The following GPR158 variants were observed in gnomAD, a reference collection of about 807,000 sequenced individuals.
GPR158 encodes the protein G protein-coupled receptor 158.
A neutral mutation model predicts 78.2 loss-of-function variants in GPR158; 30 were observed. That is an observed-to-expected ratio of 0.38 (90% CI 0.29 to 0.52). The LOEUF (loss-of-function observed/expected upper bound fraction) is 0.52, where lower values mean the gene tolerates loss of function less well. GPR158 is among the 20% of genes least tolerant of loss of function. The probability of loss-of-function intolerance (pLI) is 0.83; values close to 1 mark genes in which losing one functional copy is unlikely to be tolerated. For synonymous variants in GPR158, 581 were observed against 591.1 expected, an observed-to-expected ratio of 0.98 and a Z score of 0.25; for missense variants, 1,463 against 1,523.5, an observed-to-expected ratio of 0.96 and a Z score of 0.66.
chr10:25,552,450 C>T (rs145417273), intron 6 of GPR158, among the ~76,000 whole-genome samples: 8 of 152,274 alleles, frequency 5.3e-5, no homozygotes, highest in African/African-American at 1.7e-4. Context: ...AGTAGACACC[C>T]CGTTGAGACT....
intron 6 of GPR158, among the ~76,000 whole-genome samples, chr10:25,558,641 T>G (rs1836819536): frequency 6.6e-6 from 1 of 152,222 alleles, no homozygotes; most frequent in Non-Finnish European, 1.5e-5. Flanking sequence ...TGCCGCTTAC[T>G]CTGGTGCCCC....
At chr10:25,474,366 C>T (rs1004889099) in intron 5 of GPR158, among the ~76,000 whole-genome samples, 1 of 152,050 alleles carries the variant, frequency 6.6e-6, no homozygotes, top group African/African-American at 2.4e-5. Flanking sequence ...GTGATAGGAC[C>T]TCTTCACCTA....
At position 25,304,554 on chromosome 10, in the gene GPR158, G is replaced by A. The variant is rs891833639; in HGVS notation, c.1008+83397G>A. Among the ~76,000 whole-genome samples, 5 of 152,084 alleles carry A rather than the reference G, an allele frequency of 3.3e-5. No homozygotes were observed. In the East Asian group the frequency reaches 9.7e-4, roughly 29 times the overall value. On this transcript the variant is annotated intron_variant, in intron 2 of 10. Transcript: ENST00000376351. ...ATAGAACTTACTTCATAGAGTTGCTGTGAGGTTTTTATATATAATATATAT... is the reference window on the plus strand; with the variant it reads ...ATAGAACTTACTTCATAGAGTTGCTATGAGGTTTTTATATATAATATATAT...
At chr10:25,351,556 A>T (rs985349075) in intron 2 of GPR158, among the ~76,000 whole-genome samples, 1 of 151,894 alleles carries the variant, frequency 6.6e-6, no homozygotes, top group Non-Finnish European at 1.5e-5. Context: ...TATCATATAA[A>T]CCAAGGGCAA....
rs1475665649 is a variant in GPR158 at position 25,255,363 on chromosome 10, A to C, written c.1008+34206A>C. Among the ~76,000 whole-genome samples, 3 of 152,358 alleles carry C rather than the reference A, an allele frequency of 2.0e-5. No homozygotes were observed. In the South Asian group the frequency reaches 6.2e-4, roughly 32 times the overall value. ...TTAGTTTTGTATTGCTACATAAACT[A>C]CAACAAAGTTCATCATTCAAACAAC... is the stretch of plus-strand genomic sequence containing the variant. On this transcript the variant is annotated intron_variant, in intron 2 of 10. Coordinates refer to ENST00000376351, the MANE Select transcript of GPR158 (RefSeq NM_020752.3).
rs146062379 is a variant in GPR158, at chr10:25,281,555, G to A, written c.1008+60398G>A. Among the ~76,000 whole-genome samples the A allele has an allele frequency of 4.4e-4, 67 of 152,158 alleles. No individual in the cohort carries two copies. In the East Asian group the frequency reaches 9.3e-3, roughly 21 times the overall value. ...ATTGCACCACTGCACTCCAGCCTGC[G>A]TGACAGATTGAGACTCTGTCTCAAA... On this transcript the variant is annotated intron_variant, in intron 2 of 10. Coordinates refer to ENST00000376351, the MANE Select transcript of GPR158 (RefSeq NM_020752.3).
chr10:25,436,162 GA>G (rs1333546097), intron 4 of GPR158, among the ~76,000 whole-genome samples: 2 of 152,184 alleles, frequency 1.3e-5, no homozygotes, highest in African/African-American at 4.8e-5. Context: ...GATAAACAAT[GA>G]ATAATGTTAT....
chr10:25,365,206 C>A (rs929200732), intron 2 of GPR158, among the ~76,000 whole-genome samples: 1 of 151,010 alleles, frequency 6.6e-6, no homozygotes, highest in Non-Finnish European at 1.5e-5. Flanking sequence ...GAAAAGATAG[C>A]AATTACATCA....
intron 4 of GPR158, among the ~76,000 whole-genome samples, chr10:25,422,837 C>A (rs1834769016): frequency 1.5e-5 from 2 of 134,224 alleles, no homozygotes; most frequent in East Asian, 2.1e-4. Context: ...AATGTACAGT[C>A]TTTTATTCCC....
intron 1 of GPR158, among the ~76,000 whole-genome samples, chr10:25,183,041 T>C (rs1852633095): frequency 6.6e-6 from 1 of 152,186 alleles, no homozygotes; most frequent in African/African-American, 2.4e-5. Flanking sequence ...TACGCATCAG[T>C]GGGGCTTGTT....
chr10:25,532,771 T>C (rs1836443603), intron 5 of GPR158, among the ~76,000 whole-genome samples: 2 of 151,848 alleles, frequency 1.3e-5, no homozygotes, highest in African/African-American at 2.4e-5. Context: ...GCATATAACT[T>C]AAAGAGTAAA....
chr10:25,314,189 C>T (rs1349491387), intron 2 of GPR158, among the ~76,000 whole-genome samples: 2 of 152,126 alleles, frequency 1.3e-5, no homozygotes, highest in East Asian at 1.9e-4. Context: ...CAGCCTCCAC[C>T]TCCTGGGTTC....
In GPR158 at chr10:25,539,314, A is replaced by G. The variant is rs78575793; in HGVS notation, c.1405-11662A>G. On this transcript the variant is annotated intron_variant, in intron 5 of 10. Coordinates refer to ENST00000376351, the MANE Select transcript of GPR158 (RefSeq NM_020752.3). ...TGGGTCTCAGAGTTAGAAGACCCCA[A>G]TGAGGAGGAGTATGAATGAAAATCT... 3.7e-4 allele frequency among the ~76,000 whole-genome samples: 57 copies of G among 152,264 alleles called. No homozygotes were observed. The East Asian group carries it at 7.2e-3, about 19-fold the overall frequency.
rs530871685 is a variant in GPR158, at chr10:25,359,618, G to A, written c.1009-36293G>A. Among the ~76,000 whole-genome samples, 31 of 152,170 alleles carry A rather than the reference G, an allele frequency of 2.0e-4. 1 individual carries two copies. The highest frequency in any genetic ancestry group is 3.4e-3 in the Middle Eastern group (1 of 294). On this transcript the variant is annotated intron_variant, in intron 2 of 10. Transcript: ENST00000376351. ...CTTTTTTATGGCCGCACAGTATTTC[G>A]TGGTATATACGTGCCACGTTTTCTT...
chr10:25,253,237 C>T (rs529108206), intron 2 of GPR158, among the ~76,000 whole-genome samples: 466 of 152,346 alleles, frequency 3.1e-3, no homozygotes, highest in African/African-American at 4.8e-3. Context: ...GAGATGAACC[C>T]GGTACCTCAG....
chr10:25,525,684 A>G (rs537764628), intron 5 of GPR158, among the ~76,000 whole-genome samples: 6 of 152,324 alleles, frequency 3.9e-5, no homozygotes, highest in Non-Finnish European at 8.8e-5. Context: ...ATGACTGCTA[A>G]TCATTATGGG....
At chr10:25,251,827 G>T (rs1278736244) in intron 2 of GPR158, among the ~76,000 whole-genome samples, 1 of 149,942 alleles carries the variant, frequency 6.7e-6, no homozygotes, top group East Asian at 2.0e-4. Context: ...TCTTTGTGGC[G>T]TTCTCTGTAT....
At chr10:25,483,018 A>G (rs1835680190) in intron 5 of GPR158, among the ~76,000 whole-genome samples, 1 of 151,758 alleles carries the variant, frequency 6.6e-6, no homozygotes, top group Non-Finnish European at 1.5e-5. Context: ...TATTACTTTC[A>G]CTGTTATCAC....
intron 1 of GPR158, among the ~76,000 whole-genome samples, chr10:25,196,362 A>AT (rs942280046): frequency 1.3e-5 from 2 of 151,698 alleles, no homozygotes; most frequent in African/African-American, 4.8e-5. Context: ...TTGTCTGTTC[A>AT]TTTTCTTAAA....
Sources: gnomAD v4.1 joint callset for allele counts (sites outside exome capture counted in the v4.1 genomes callset) on GRCh38, gnomAD v4.1.1 for gene constraint, MANE v1.5 for transcripts, NCBI Gene and HGNC (gene_info 2026-07-23, HGNC 2026-07-21) for gene names.